The following ICE2 variants were observed in gnomAD, a reference collection of about 807,000 sequenced individuals.
ICE2 encodes interactor of little elongation complex ELL subunit 2.
A neutral mutation model predicts 105.4 loss-of-function variants in ICE2; 87 were observed. The ratio of observed to expected loss-of-function variants is 0.83; its 90% CI spans 0.69 to 0.99. The LOEUF is 0.99. ICE2 is among the 50% of genes least tolerant of loss of function. The pLI, the probability that ICE2 is intolerant of heterozygous loss-of-function variation, is 0.00. For missense variants in ICE2, 1,323 were observed against 1,146.7 expected (o/e 1.15, Z -2.22); for synonymous variants, 399 against 392.0 (o/e 1.02, Z -0.21).
Position 60,453,803 on chromosome 15 carries a change from G to C in ICE2, c.944-19C>G. On this transcript the variant is annotated intron_variant, in intron 8 of 15. Transcript: ENST00000261520. ...TTTGAACCTTAAAACAGAAACCAAA[G>C]AAAAGAGGTGATTAGTATCTAATTG... 1 of 1,521,392 alleles carries C rather than the reference G, an allele frequency of 6.6e-7. No individual in the cohort carries two copies. The highest frequency in any genetic ancestry group is 9.1e-7 in the Non-Finnish European group (1 of 1,102,182). The allele number at this position is 1,521,392 out of a possible 1,614,324, so 94.2% of individuals were successfully genotyped here.
At chr15:60,473,032 G>A (rs899972754) in intron 3 of ICE2, among the ~76,000 whole-genome samples, 4 of 151,704 alleles carry the variant, frequency 2.6e-5, no homozygotes, top group Admixed American at 6.6e-5. Context: ...TAGCCTTGAC[G>A]TCCCAGGGTC....
At chr15:60,433,169 G>T (rs1408635130) in intron 13 of ICE2, among the ~76,000 whole-genome samples, 1 of 151,040 alleles carries the variant, frequency 6.6e-6, no homozygotes, top group East Asian at 2.0e-4. Flanking sequence ...CTCACTGCAA[G>T]CTCTGCCTCC....
At chr15:60,465,750 C>CTTTTTTTT (rs201899350) in intron 5 of ICE2, among the ~76,000 whole-genome samples, 1 of 127,022 alleles carries the variant, frequency 7.9e-6, no homozygotes, top group Non-Finnish European at 1.7e-5. Context: ...ATACTTTATT[C>CTTTTTTTT]TTTTTTTTTT....
intron 4 of ICE2, among the ~76,000 whole-genome samples, chr15:60,467,001 T>G (rs1189211128): frequency 6.6e-6 from 1 of 152,238 alleles, no homozygotes; most frequent in Non-Finnish European, 1.5e-5. Flanking sequence ...TTAATTTATT[T>G]TTTTGAGACA....
chr15:60,469,161 G>A (rs1233835549), intron 3 of ICE2, among the ~76,000 whole-genome samples: 1 of 152,158 alleles, frequency 6.6e-6, no homozygotes, highest in Middle Eastern at 3.2e-3. Flanking sequence ...CACGAATGGA[G>A]CTGGAGGCCA....
At chr15:60,448,217 C>G in intron 10 of ICE2, 72 bp from the exon 11 acceptor site, 1 of 947,892 alleles carries the variant, frequency 1.1e-6, no homozygotes, top group Non-Finnish European at 1.5e-6. Context: ...TACAACAATT[C>G]AATTAACTAT....
chr15:60,452,003 G>A (rs866398066), intron 9 of ICE2: 4 of 715,024 alleles, frequency 5.6e-6, no homozygotes, highest in Middle Eastern at 1.4e-3. Flanking sequence ...TTTTTTAGAT[G>A]TCATCAATAA....
chr15:60,428,400 T>C (rs1337568578), intron 15 of ICE2, 29 bp downstream of exon 15: 2 of 1,602,170 alleles, frequency 1.2e-6, no homozygotes, highest in South Asian at 2.2e-5. Context: ...AACAACCTAA[T>C]GAACCTTTAA....
In ICE2 at chr15:60,476,166, C is replaced by T. The variant is rs2064756886; in HGVS notation, c.43G>A (p.Asp15Asn). The stretch of plus-strand genomic sequence containing the variant: ...TTAAGGCCATTTTTGGGGGAAATAT[C>T]CCTGTGAAACAAAGTAATTTACTTA... Reference protein sequence around the residue: ...MVISEPGLNWDISPKNGLKTF... With the variant: ...MVISEPGLNWNISPKNGLKTF... Residue 15 changes from aspartate (D) to asparagine (N), a missense_variant and splice_region_variant, in exon 3 of 16, where the codon GAT becomes AAT. Coordinates refer to ENST00000261520, the MANE Select transcript of ICE2 (RefSeq NM_024611.6). 1.3e-6 allele frequency: 2 copies of T among 1,570,140 alleles called. No homozygotes were observed. The highest frequency in any genetic ancestry group is 1.7e-6 in the Non-Finnish European group (2 of 1,149,640).
At chr15:60,453,372 A>G (rs2064012906) in intron 9 of ICE2, 18 of 1,316,370 alleles carry the variant, frequency 1.4e-5, no homozygotes, top group Non-Finnish European at 1.6e-5. Flanking sequence ...TAACCCTCAT[A>G]ATAACCTTGT....
chr15:60,456,576 T>TACACAC lies in ICE2; in HGVS notation c.666+80_666+81insGTGTGT, dbSNP rs1465607614. 74 of 133,016 alleles carry TACACAC rather than the reference T, an allele frequency of 5.6e-4. 1 individual carries two copies. The highest frequency in any genetic ancestry group is 5.0e-3 in the Admixed American group (38 of 7,542). The allele number at this position is 133,016 out of a possible 1,614,324, so 8.2% of individuals were successfully genotyped here. A position where few individuals can be genotyped will look rare whatever the true frequency, so the allele number is the denominator to read the frequency against. On this transcript the variant is annotated intron_variant, in intron 6 of 15. Coordinates refer to ENST00000261520, the MANE Select transcript of ICE2 (RefSeq NM_024611.6). ...ATAAATAAATAAATAAATATATATATATATATATACACACACACACACACA... is the reference window on the plus strand; with the variant it reads ...ATAAATAAATAAATAAATATATATATACACACATATATATACACACACACACACACA...
intron 11 of ICE2, among the ~76,000 whole-genome samples, chr15:60,444,011 G>A (rs940520406): frequency 1.3e-5 from 2 of 152,100 alleles, no homozygotes; most frequent in Non-Finnish European, 2.9e-5. Context: ...TGAGGTGGGA[G>A]GATCACTTGA....
At position 60,436,129 on chromosome 15, in the gene ICE2, G is replaced by C. The variant is rs1375798469; in HGVS notation, c.2510+14C>G. ...CAAATTTTTCAATTCTCACCACAAA[G>C]TAAACTTTCTTACTTGAGTGCTGAA... On this transcript the variant is annotated intron_variant, in intron 13 of 15. Transcript: ENST00000261520. The C allele has an allele frequency of 1.7e-6, 2 of 1,181,390 alleles. No individual in the cohort carries two copies. The highest frequency in any genetic ancestry group is 2.4e-6 in the Non-Finnish European group (2 of 842,576). The allele number at this position is 1,181,390 out of a possible 1,614,324, so 73.2% of individuals were successfully genotyped here.
chr15:60,420,879 C>T lies in ICE2; in HGVS notation c.*2755G>A, dbSNP rs532965719. On this transcript the variant is annotated 3_prime_UTR_variant, in exon 16 of 16. Transcript: ENST00000261520. ...GATACCTACACATTCATGCATCTAA[C>T]TAATATCTGCTAAGCAACTACATGA... 6.6e-6 allele frequency: 1 copy of T among 152,228 alleles called. No individual in the cohort carries two copies. Among genetic ancestry groups the T allele is most frequent in the African/African-American group, 2.4e-5 (1 of 41,524 alleles). The allele number at this position is 152,228 out of a possible 1,614,324, so 9.4% of individuals were successfully genotyped here.
intron 2 of ICE2, among the ~76,000 whole-genome samples, chr15:60,476,700 A>C (rs994746124): frequency 4.6e-5 from 7 of 152,240 alleles, no homozygotes; most frequent in Non-Finnish European, 1.0e-4. Flanking sequence ...ATTTTTCATA[A>C]CACCATAATT....
intron 15 of ICE2, among the ~76,000 whole-genome samples, chr15:60,424,901 G>C (rs1332043128): frequency 1.3e-5 from 2 of 152,240 alleles, no homozygotes; most frequent in African/African-American, 2.4e-5. Flanking sequence ...ATCTCACAGA[G>C]AAGGACCAAA....
chr15:60,475,445 T>C (rs1459206638), intron 3 of ICE2, among the ~76,000 whole-genome samples: 2 of 152,142 alleles, frequency 1.3e-5, no homozygotes, highest in African/African-American at 4.8e-5. Context: ...CACCAATATA[T>C]TGTTTTTAAT....
chr15:60,449,794 GT>G lies in ICE2; in HGVS notation c.1172del (p.Asn391ThrfsTer18). ...NECRKIESLE[N>X]LYLDFDDDVT... ...CATCATCATCAAAATCCAAATACAA[GT>G]TTTCAAGACTCTCAATTTTTCGGCA... is the stretch of plus-strand genomic sequence containing the variant. On this transcript the variant is annotated frameshift_variant, in exon 10 of 16. Coordinates refer to ENST00000261520, the MANE Select transcript of ICE2 (RefSeq NM_024611.6). LOFTEE classifies it high-confidence loss of function. 1.9e-6 allele frequency: 3 copies of G among 1,613,826 alleles called. No homozygotes were observed. The highest frequency in any genetic ancestry group is 2.5e-6 in the Non-Finnish European group (3 of 1,179,938).
Position 60,423,009 on chromosome 15 carries a change from AATT to A in ICE2, c.*622_*624del, listed in dbSNP as rs1447975348. 1.3e-5 allele frequency: 2 copies of A among 152,610 alleles called. No individual in the cohort carries two copies. Among genetic ancestry groups the A allele is most frequent in the African/African-American group, 2.4e-5 (1 of 41,438 alleles). The allele number at this position is 152,610 out of a possible 1,614,324, so 9.5% of individuals were successfully genotyped here. On this transcript the variant is annotated 3_prime_UTR_variant, in exon 16 of 16. Coordinates refer to ENST00000261520, the MANE Select transcript of ICE2 (RefSeq NM_024611.6). Reference sequence around the variant, plus strand: ...TGTCATCAAACATGTTATACCACCAAATTTTTTCTTTTATTAAACAAACTGATG... The same window carrying A: ...TGTCATCAAACATGTTATACCACCAATTTTCTTTTATTAAACAAACTGATG...
Sources: allele counts gnomAD v4.1 joint callset (sites outside exome capture counted in the v4.1 genomes callset), GRCh38; gene constraint gnomAD v4.1.1; transcripts MANE v1.5; gene names NCBI Gene and HGNC (gene_info 2026-07-23, HGNC 2026-07-21).